The following SPRY3 variants were observed in gnomAD, a reference collection of about 807,000 sequenced individuals.
The protein encoded by SPRY3 is protein sprouty homolog 3.
SPRY3 carries 15 observed loss-of-function variants against 20.2 expected under a neutral mutation model. The observed-to-expected ratio is 0.74, with a 90% CI of 0.50 to 1.14. SPRY3 has a LOEUF of 1.14. Among genes scored for constraint, SPRY3 ranks in the 50% most tolerant of loss-of-function variants. SPRY3 has a pLI of 0.00. For synonymous variants in SPRY3, 143 were observed against 136.5 expected (o/e 1.05, Z -0.33); for missense variants, 364 against 363.9 (o/e 1.00, Z 0.00).
intron 2 of SPRY3, among the ~76,000 whole-genome samples, chrX:155,756,743 T>C (rs1403488732): frequency 6.6e-6 from 1 of 152,150 alleles, no homozygotes; most frequent in Non-Finnish European, 1.5e-5. Flanking sequence ...CAATGCCATC[T>C]ACTGCTCCTT....
chrX:155,654,553 T>C (rs1475681963), intron 1 of SPRY3, among the ~76,000 whole-genome samples: 3 of 110,995 alleles, frequency 2.7e-5, no homozygotes, highest in African/African-American at 9.8e-5. Flanking sequence ...TACTTCCCAC[T>C]TACAAGTGAG....
chrX:155,613,213 T>G (rs1276286506), intron 1 of SPRY3, among the ~76,000 whole-genome samples: 1 of 112,096 alleles, frequency 8.9e-6, no homozygotes, highest in Non-Finnish European at 1.9e-5. Context: ...TTTATGGTAG[T>G]TTATCCAGGT....
chrX:155,708,398 C>T (rs1480417443), intron 2 of SPRY3, among the ~76,000 whole-genome samples: 1 of 151,264 alleles, frequency 6.6e-6, no homozygotes, highest in Non-Finnish European at 1.5e-5. Context: ...ACAGTCATTC[C>T]CTTATACATG....
intron 2 of SPRY3, among the ~76,000 whole-genome samples, chrX:155,766,023 G>A (rs1428980929): frequency 6.6e-6 from 1 of 152,174 alleles, no homozygotes; most frequent in Admixed American, 6.5e-5. Flanking sequence ...TTGAATAAGT[G>A]TAGATGAACC....
intron 2 of SPRY3, among the ~76,000 whole-genome samples, chrX:155,665,879 A>G (rs929353227): frequency 5.4e-5 from 6 of 111,959 alleles, no homozygotes; most frequent in African/African-American, 1.6e-4. Context: ...TAGTGGATAT[A>G]TAGGTGCTTT....
At chrX:155,613,750 G>A (rs1178206404) in intron 1 of SPRY3, among the ~76,000 whole-genome samples, 1 of 111,362 alleles carries the variant, frequency 9.0e-6, no homozygotes, top group African/African-American at 3.3e-5. Context: ...ACTCAATTTA[G>A]ATAGCACCTC....
chrX:155,722,768 T>C (rs1253612174), intron 2 of SPRY3, among the ~76,000 whole-genome samples: 3 of 152,106 alleles, frequency 2.0e-5, no homozygotes. Flanking sequence ...CTTTGATCTA[T>C]TGGCTACAAG....
chrX:155,707,664 T>C (rs181340248), intron 2 of SPRY3, among the ~76,000 whole-genome samples: 150 of 151,422 alleles, frequency 9.9e-4, no homozygotes, highest in Admixed American at 2.7e-3. Flanking sequence ...TTTATGATTA[T>C]GAACTGGTCC....
intron 2 of SPRY3, chrX:155,767,707 G>A (rs1036014033): frequency 8.6e-6 from 1 of 116,050 alleles, no homozygotes; most frequent in East Asian, 2.6e-4. Flanking sequence ...GGAGAAAGAA[G>A]AGGAGGAGGA....
intron 2 of SPRY3, among the ~76,000 whole-genome samples, chrX:155,738,366 T>A (rs2124570404): frequency 6.6e-6 from 1 of 151,438 alleles, no homozygotes; most frequent in East Asian, 1.9e-4. Context: ...AATCAAACAA[T>A]CCAATTAGAA....
chrX:155,667,779 A>G (rs1235435204), intron 2 of SPRY3, among the ~76,000 whole-genome samples: 1 of 111,669 alleles, frequency 9.0e-6, no homozygotes, highest in Non-Finnish European at 1.9e-5. Context: ...AGAAAGGACA[A>G]TAGCCTAATT....
chrX:155,716,341 T>C (rs1312581777), intron 2 of SPRY3, among the ~76,000 whole-genome samples: 1 of 152,178 alleles, frequency 6.6e-6, no homozygotes, highest in East Asian at 1.9e-4. Flanking sequence ...TTTATTTCCT[T>C]ATTGATATTT....
chrX:155,776,641 C>G (rs1326266534), exon 4 of SPRY3: 1 of 167,078 alleles, frequency 6.0e-6, no homozygotes, highest in Non-Finnish European at 1.5e-5. Flanking sequence ...GGTGCTCCAA[C>G]TTAGTTTAAG....
intron 2 of SPRY3, among the ~76,000 whole-genome samples, chrX:155,727,102 A>C (rs949359418): frequency 9.2e-5 from 14 of 151,890 alleles, no homozygotes; most frequent in African/African-American, 2.9e-4. Context: ...GTTGAAAATT[A>C]TTTTCTTTAA....
At chrX:155,653,821 C>A (rs1416758589) in intron 1 of SPRY3, among the ~76,000 whole-genome samples, 3 of 111,406 alleles carry the variant, frequency 2.7e-5, no homozygotes, top group Non-Finnish European at 3.8e-5. Context: ...ATAGGAAAAC[C>A]AACTGTTTTT....
At chrX:155,673,226 T>A (rs1173064672) in intron 2 of SPRY3, among the ~76,000 whole-genome samples, 1 of 107,745 alleles carries the variant, frequency 9.3e-6, no homozygotes, top group African/African-American at 3.4e-5. Context: ...ATAAAAAAAA[T>A]TAAAAAAAGA....
chrX:155,749,857 A>G (rs1012771499), intron 2 of SPRY3, among the ~76,000 whole-genome samples: 2 of 151,816 alleles, frequency 1.3e-5, no homozygotes, highest in Admixed American at 1.3e-4. Context: ...TAAATATTCA[A>G]TTGGAGATTT....
intron 2 of SPRY3, among the ~76,000 whole-genome samples, chrX:155,759,412 C>G (rs1343758535): frequency 6.6e-6 from 1 of 152,146 alleles, no homozygotes; most frequent in African/African-American, 2.4e-5. Context: ...CTGCTCCTTT[C>G]CAAAACACAT....
In SPRY3 at chrX:155,700,111, T is replaced by C. The variant is rs748781941; in HGVS notation, c.-282+43086T>C. Among the ~76,000 whole-genome samples the C allele has an allele frequency of 8.4e-5, 9 of 107,672 alleles. No individual in the cohort carries two copies. The East Asian group carries it at 2.6e-3, about 31-fold the overall frequency. 93.5% of individuals were successfully genotyped at this position (107,672 alleles called of 115,157 possible). On this transcript the variant is annotated intron_variant, in intron 2 of 3. Coordinates refer to ENST00000675360, the Ensembl canonical transcript of SPRY3. ...ACAAACAACAAAAAGACAACCATTT[T>C]TGTCCATCTTACAATGGACAAAAGG...
Sources: gnomAD v4.1 joint callset for allele counts (sites outside exome capture counted in the v4.1 genomes callset) on GRCh38, gnomAD v4.1.1 for gene constraint, MANE v1.5 for transcripts, NCBI Gene and HGNC (gene_info 2026-07-23, HGNC 2026-07-21) for gene names.